RBFOX1: variants seen among roughly 807,000 people sequenced by gnomAD.
RBFOX1 encodes the protein RNA binding fox-1 homolog 1.
Under a neutral mutation model 57.7 loss-of-function variants are expected in RBFOX1, and 8 were observed. That is an observed-to-expected ratio of 0.14 (90% confidence interval 0.08 to 0.25). The LOEUF is 0.25. Ranked by LOEUF, RBFOX1 falls within the 10% of genes least tolerant of loss-of-function variation. The pLI is 1.00. For missense variants in RBFOX1, 611 were observed against 548.5 expected, an observed-to-expected ratio of 1.11 and a Z score of -1.14; for synonymous variants, 326 against 222.4, an observed-to-expected ratio of 1.47 and a Z score of -4.15.
At chr16:6,221,915 C>T (rs1218123141) in intron 1 of RBFOX1, among the ~76,000 whole-genome samples, 2 of 152,150 alleles carry the variant, frequency 1.3e-5, no homozygotes, top group Admixed American at 6.5e-5. Context: ...TGGGTGGGGA[C>T]ACAGCCAAAC....
intron 3 of RBFOX1, among the ~76,000 whole-genome samples, chr16:5,664,878 C>T (rs937642681): frequency 1.3e-5 from 2 of 151,982 alleles, no homozygotes; most frequent in African/African-American, 4.8e-5. Context: ...GTAGAAGGCC[C>T]TGCACACTTG....
At chr16:7,347,949 C>T in intron 4 of RBFOX1, among the ~76,000 whole-genome samples, 1 of 152,174 alleles carries the variant, frequency 6.6e-6, no homozygotes, top group East Asian at 1.9e-4. Flanking sequence ...CTAGTGCCTT[C>T]CATGCAGAGC....
intron 4 of RBFOX1, among the ~76,000 whole-genome samples, chr16:7,293,261 A>G (rs747815153): frequency 2.6e-5 from 4 of 152,128 alleles, no homozygotes; most frequent in Non-Finnish European, 4.4e-5. Context: ...TTTACATGGA[A>G]TTTGCATTGT....
chr16:5,473,090 C>T (rs1430537284), intron 2 of RBFOX1, among the ~76,000 whole-genome samples: 1 of 152,210 alleles, frequency 6.6e-6, no homozygotes, highest in East Asian at 1.9e-4. Flanking sequence ...TTGATGACTG[C>T]CCTGGCTCAA....
rs1381896503 is a variant in RBFOX1, at chr16:7,272,871, CCTTCCTTCCCTCCTTT to C, written c.27+220796_27+220811del. ...CTTCCCTTCTTCCCTTCCGTTCTTCCCTTCCTTCCCTCCTTTCTTCCTTCCCTCCTTTCTTCCTCCC... is the reference window on the plus strand; with the variant it reads ...CTTCCCTTCTTCCCTTCCGTTCTTCCCTTCCTTCCCTCCTTTCTTCCTCCC... On this transcript the variant is annotated intron_variant, in intron 4 of 15. Coordinates refer to ENST00000550418, the MANE Select transcript of RBFOX1 (RefSeq NM_018723.4). 4.0e-4 allele frequency among the ~76,000 whole-genome samples: 55 copies of C among 138,126 alleles called. 1 individual carries two copies. The highest frequency in any genetic ancestry group is 1.1e-3 in the African/African-American group (39 of 36,300). 90.6% of individuals were successfully genotyped at this position (138,126 alleles called of 152,430 possible).
At chr16:5,420,525 T>A (rs1301988697) in intron 1 of RBFOX1, among the ~76,000 whole-genome samples, 1 of 152,140 alleles carries the variant, frequency 6.6e-6, no homozygotes, top group Non-Finnish European at 1.5e-5. Context: ...TTTTGTTTTT[T>A]TGAGACAGGG....
rs1450116787 is a variant in RBFOX1 at position 7,481,585 on chromosome 16, C to T, written c.28-36562C>T. 3.3e-5 allele frequency among the ~76,000 whole-genome samples: 5 copies of T among 152,154 alleles called. No individual in the cohort carries two copies. The East Asian group carries it at 5.8e-4, about 18-fold the overall frequency. On this transcript the variant is annotated intron_variant, in intron 4 of 15. Transcript: ENST00000550418. Reference sequence around the variant, plus strand: ...CAGATGACTAAGGGCTATTAAATCCCTGAAGGAATCTTGCAGATAACTACA... The same window carrying T: ...CAGATGACTAAGGGCTATTAAATCCTTGAAGGAATCTTGCAGATAACTACA...
chr16:6,133,153 T>C (rs1188178291), intron 1 of RBFOX1, among the ~76,000 whole-genome samples: 1 of 152,088 alleles, frequency 6.6e-6, no homozygotes, highest in Non-Finnish European at 1.5e-5. Context: ...TCTGTGATGC[T>C]GGGGCTCAAT....
intron 11 of RBFOX1, among the ~76,000 whole-genome samples, chr16:7,642,765 C>G (rs996745717): frequency 1.3e-5 from 2 of 152,034 alleles, no homozygotes; most frequent in Non-Finnish European, 2.9e-5. Flanking sequence ...TAGATGATGA[C>G]GAACTGCTGC....
rs534348862 is a variant in RBFOX1 at position 5,368,500 on chromosome 16, A to T, written c.220-98716A>T. Among the ~76,000 whole-genome samples the T allele has an allele frequency of 6.6e-5, 10 of 152,348 alleles. No individual in the cohort carries two copies. The South Asian group carries it at 1.7e-3, about 25-fold the overall frequency. ...GCAAGAGAAAATAACATCTATTTAGAGGAACTTGAGATGAAAGTATGTTTC... is the reference window on the plus strand; with the variant it reads ...GCAAGAGAAAATAACATCTATTTAGTGGAACTTGAGATGAAAGTATGTTTC... On this transcript the variant is annotated intron_variant, in intron 1 of 2. Transcript: ENST00000585867.
chr16:5,974,248 G>C (rs1163179016), intron 4 of RBFOX1, among the ~76,000 whole-genome samples: 1 of 152,202 alleles, frequency 6.6e-6, no homozygotes, highest in Non-Finnish European at 1.5e-5. Flanking sequence ...ACTGCAAAGA[G>C]AGGTAGAGTT....
At chr16:5,863,228 C>T (rs183985990) in intron 3 of RBFOX1, among the ~76,000 whole-genome samples, 9 of 152,114 alleles carry the variant, frequency 5.9e-5, no homozygotes, top group East Asian at 3.9e-4. Flanking sequence ...GCAGAGAAAC[C>T]GAAGGAGAGG....
intron 4 of RBFOX1, among the ~76,000 whole-genome samples, chr16:7,405,525 C>T (rs1264915955): frequency 6.6e-6 from 1 of 152,270 alleles, no homozygotes; most frequent in African/African-American, 2.4e-5. Context: ...CCGGAGCAAC[C>T]CTCTTCCTTG....
intron 2 of RBFOX1, chr16:6,483,571 A>G (rs2095409795): frequency 6.5e-7 from 1 of 1,528,102 alleles, no homozygotes; most frequent in Non-Finnish European, 8.8e-7. Flanking sequence ...AGACTCTAAA[A>G]CACTGTCAGG....
chr16:7,020,645 G>C (rs558480962), intron 3 of RBFOX1, among the ~76,000 whole-genome samples: 1 of 152,188 alleles, frequency 6.6e-6, no homozygotes, highest in Non-Finnish European at 1.5e-5. Flanking sequence ...TGATGAACTT[G>C]TATTAACAGA....
chr16:6,991,752 G>T (rs1416593477), intron 3 of RBFOX1, among the ~76,000 whole-genome samples: 1 of 152,128 alleles, frequency 6.6e-6, no homozygotes, highest in African/African-American at 2.4e-5. Flanking sequence ...GCCCAGGCTG[G>T]TCTTGAACTC....
At chr16:7,233,140 A>C (rs967939466) in intron 4 of RBFOX1, among the ~76,000 whole-genome samples, 1 of 151,670 alleles carries the variant, frequency 6.6e-6, no homozygotes, top group African/African-American at 2.4e-5. Flanking sequence ...ACCCCACTGT[A>C]CTTAGAGTTA....
At chr16:6,051,231 A>G (rs1348449023) in intron 1 of RBFOX1, among the ~76,000 whole-genome samples, 1 of 151,840 alleles carries the variant, frequency 6.6e-6, no homozygotes, top group South Asian at 2.1e-4. Context: ...GAGTCTTATC[A>G]TCTGTTCCCC....
chr16:6,093,023 T>A (rs1020753173), intron 1 of RBFOX1: 2 of 152,222 alleles, frequency 1.3e-5, no homozygotes, highest in Non-Finnish European at 2.9e-5. Context: ...AGATGCAATT[T>A]ACCTGTATGA....
Sources: allele counts gnomAD v4.1 joint callset (sites outside exome capture counted in the v4.1 genomes callset), GRCh38; gene constraint gnomAD v4.1.1; transcripts MANE v1.5; gene names NCBI Gene and HGNC (gene_info 2026-07-23, HGNC 2026-07-21).